HTR4: variants seen among roughly 807,000 people sequenced by gnomAD.
The protein encoded by HTR4 is 5-hydroxytryptamine receptor 4, also known as 5-hydroxytryptamine (serotonin) receptor 4, G protein-coupled.
HTR4 carries 16 observed loss-of-function variants against 36.8 expected under a neutral mutation model. That is an observed-to-expected ratio of 0.43 (90% CI 0.29 to 0.66). The LOEUF is 0.66. Ranked by LOEUF, HTR4 falls within the 30% of genes least tolerant of loss-of-function variation. The probability of loss-of-function intolerance (pLI) is 0.13; values close to 1 mark genes in which losing one functional copy is unlikely to be tolerated. For missense variants in HTR4, 438 were observed against 490.9 expected, an observed-to-expected ratio of 0.89 and a Z score of 1.02; for synonymous variants, 189 against 185.1, an observed-to-expected ratio of 1.02 and a Z score of -0.17.
intron 2 of HTR4, among the ~76,000 whole-genome samples, chr5:148,573,224 T>C (rs1760750350): frequency 6.6e-6 from 1 of 152,136 alleles, no homozygotes; most frequent in Non-Finnish European, 1.5e-5. Context: ...TTCAATTGTA[T>C]AGCTGAAATG....
At chr5:148,549,622 G>T (rs770098189) in intron 3 of HTR4, among the ~76,000 whole-genome samples, 27 of 152,302 alleles carry the variant, frequency 1.8e-4, no homozygotes, top group Non-Finnish European at 3.1e-4. Flanking sequence ...TGCCTGATTA[G>T]ATTTGAACTT....
At chr5:148,585,230 C>T (rs1391377533) in intron 2 of HTR4, among the ~76,000 whole-genome samples, 2 of 152,192 alleles carry the variant, frequency 1.3e-5, no homozygotes, top group Non-Finnish European at 1.5e-5. Context: ...GTAGGAATCT[C>T]TCTCTGCAAT....
intron 6 of HTR4, among the ~76,000 whole-genome samples, chr5:148,509,118 A>C (rs1757367018): frequency 6.6e-6 from 1 of 152,244 alleles, no homozygotes; most frequent in Admixed American, 6.5e-5. Flanking sequence ...CACTCCACAT[A>C]TACTAGCTAA....
intron 2 of HTR4, among the ~76,000 whole-genome samples, chr5:148,588,444 A>T (rs2127255183): frequency 6.6e-6 from 1 of 152,190 alleles, no homozygotes; most frequent in Non-Finnish European, 1.5e-5. Flanking sequence ...GGGAAGAAAA[A>T]GCCTTTACTG....
In HTR4 at chr5:148,590,276, T is replaced by C. The variant is rs1228272478; in HGVS notation, c.27-40014A>G. ...CTAAATGACTGGTATTATTATTTTC[T>C]TTTTTCTTTTCTTTTTTTTTTTTTT... is the stretch of plus-strand genomic sequence containing the variant. On this transcript the variant is annotated intron_variant, in intron 2 of 6. Transcript: ENST00000377888. Among the ~76,000 whole-genome samples, 4 of 148,026 alleles carry C rather than the reference T, an allele frequency of 2.7e-5. No individual in the cohort carries two copies. The East Asian group carries it at 5.9e-4, about 22-fold the overall frequency.
chr5:148,516,109 G>A (rs1581410565), intron 5 of HTR4, among the ~76,000 whole-genome samples: 1 of 150,844 alleles, frequency 6.6e-6, no homozygotes, highest in East Asian at 1.9e-4. Context: ...ATCTCTATGT[G>A]CTTCAATCAA....
chr5:148,649,631 G>A (rs1438981732), intron 1 of HTR4, among the ~76,000 whole-genome samples: 1 of 152,152 alleles, frequency 6.6e-6, no homozygotes, highest in African/African-American at 2.4e-5. Flanking sequence ...AACATGACAA[G>A]ATCTAAGACC....
At chr5:148,508,338 C>T (rs372740077) in intron 6 of HTR4, among the ~76,000 whole-genome samples, 1 of 152,158 alleles carries the variant, frequency 6.6e-6, no homozygotes, top group Non-Finnish European at 1.5e-5. Flanking sequence ...ATTTATCACA[C>T]ATAGCTTTGC....
At chr5:148,483,349 T>C in intron 6 of HTR4, 56 bp from the exon 7 acceptor site, 1 of 1,515,272 alleles carries the variant, frequency 6.6e-7, no homozygotes, top group Non-Finnish European at 9.0e-7. Flanking sequence ...TTGCAGATCA[T>C]CTCCTGAAAG....
intron 1 of HTR4, among the ~76,000 whole-genome samples, chr5:148,649,254 A>G (rs1426467406): frequency 6.7e-6 from 1 of 150,048 alleles, no homozygotes; most frequent in Non-Finnish European, 1.5e-5. Flanking sequence ...CCTTGCTTGG[A>G]TGGGGAATGT....
At chr5:148,572,949 A>G (rs1760733841) in intron 2 of HTR4, among the ~76,000 whole-genome samples, 1 of 152,122 alleles carries the variant, frequency 6.6e-6, no homozygotes, top group Non-Finnish European at 1.5e-5. Flanking sequence ...CAGTGATACT[A>G]AAACATATCT....
intron 2 of HTR4, among the ~76,000 whole-genome samples, chr5:148,621,100 G>C (rs991190700): frequency 1.4e-4 from 22 of 152,214 alleles, no homozygotes; most frequent in African/African-American, 5.3e-4. Flanking sequence ...CATTTCAACT[G>C]TAATTATTTG....
chr5:148,502,021 T>C (rs1323186637), intron 6 of HTR4, among the ~76,000 whole-genome samples: 1 of 151,010 alleles, frequency 6.6e-6, no homozygotes, highest in Non-Finnish European at 1.5e-5. Context: ...GATCACACCA[T>C]TGCACTCCAG....
chr5:148,504,141 G>A (rs1040961627), intron 6 of HTR4, among the ~76,000 whole-genome samples: 1 of 152,168 alleles, frequency 6.6e-6, no homozygotes, highest in Non-Finnish European at 1.5e-5. Context: ...GCATCAAGCA[G>A]ACCTAATAGA....
intron 5 of HTR4, among the ~76,000 whole-genome samples, chr5:148,458,863 T>C (rs1300262999): frequency 1.3e-5 from 2 of 152,176 alleles, no homozygotes; most frequent in Non-Finnish European, 2.9e-5. Context: ...ATGTTTTTAA[T>C]GAACATTCTG....
At chr5:148,491,299 A>G (rs974599800) in intron 6 of HTR4, among the ~76,000 whole-genome samples, 3 of 152,082 alleles carry the variant, frequency 2.0e-5, no homozygotes, top group African/African-American at 7.2e-5. Flanking sequence ...AAACCGTATC[A>G]GTCGCCTTCT....
At chr5:148,522,135 C>A (rs1326710975) in intron 5 of HTR4, among the ~76,000 whole-genome samples, 2 of 152,142 alleles carry the variant, frequency 1.3e-5, no homozygotes, top group African/African-American at 2.4e-5. Flanking sequence ...CTCTTGCCTG[C>A]AGCCACGTAA....
chr5:148,505,629 G>A (rs1277510433), intron 6 of HTR4, among the ~76,000 whole-genome samples: 6 of 152,140 alleles, frequency 3.9e-5, no homozygotes, highest in South Asian at 2.1e-4. Context: ...AAACCCCATC[G>A]TCTCAGCCCA....
intron 6 of HTR4, among the ~76,000 whole-genome samples, chr5:148,504,040 T>C (rs1178432917): frequency 6.6e-6 from 1 of 152,080 alleles, no homozygotes; most frequent in African/African-American, 2.4e-5. Context: ...CACACAATAA[T>C]AATGGGAGAC....
Sources: gnomAD v4.1 joint callset for allele counts (sites outside exome capture counted in the v4.1 genomes callset) on GRCh38, gnomAD v4.1.1 for gene constraint, MANE v1.5 for transcripts, NCBI Gene and HGNC (gene_info 2026-07-23, HGNC 2026-07-21) for gene names.